CRISPLD2: variants seen among roughly 807,000 people sequenced by gnomAD.
The protein encoded by CRISPLD2 is cysteine-rich secretory protein LCCL domain-containing 2.
Under a neutral mutation model 71.1 loss-of-function variants are expected in CRISPLD2, and 47 were observed. The observed-to-expected ratio is 0.66, with a 90% confidence interval of 0.52 to 0.84. The LOEUF is 0.84. Among genes scored for constraint, CRISPLD2 ranks in the 40% least tolerant of loss-of-function variants. CRISPLD2 has a pLI of 0.00. For synonymous variants in CRISPLD2, 317 were observed against 250.1 expected (o/e 1.27, Z -2.52); for missense variants, 830 against 651.1 (o/e 1.27, Z -2.99).
Position 84,873,101 on chromosome 16 carries a change from G to A in CRISPLD2, c.1091G>A (p.Arg364Lys), listed in dbSNP as rs147512774. ...GTCCCCTTCTTCGTGAAGTCTGAGA[G>A]ACACGGCGTGCAGTCCCTCAGGTAA... The part of the protein sequence containing the change: ...GKVPFFVKSE[R>K]HGVQSLSKYK... Residue 364 changes from arginine (R) to lysine (K), a missense_variant, in exon 10 of 15, where the codon AGA (arginine) becomes AAA (lysine). Arg to Lys is a conservative substitution (Grantham distance 26). Transcript: ENST00000262424. 739 of 1,613,830 alleles carry A rather than the reference G, an allele frequency of 4.6e-4. 5 individuals are homozygous for A. Among genetic ancestry groups the A allele is most frequent in the Admixed American group, 3.7e-4 (22 of 59,986 alleles).
intron 14 of CRISPLD2, among the ~76,000 whole-genome samples, chr16:84,901,260 A>C (rs188734382): frequency 9.1e-4 from 138 of 152,280 alleles, no homozygotes; most frequent in African/African-American, 3.2e-3. Context: ...TGTGTTGAAA[A>C]AATGGGTGAG....
At chr16:84,879,654 A>G (rs191552169) in intron 12 of CRISPLD2, among the ~76,000 whole-genome samples, 3,189 of 149,048 alleles carry the variant, frequency 0.021, 109 homozygotes, top group African/African-American at 0.075. Context: ...GAGCCACTGC[A>G]CCTGGCCTTC....
At chr16:84,877,964 A>G (rs1276123962) in intron 12 of CRISPLD2, among the ~76,000 whole-genome samples, 7 of 151,288 alleles carry the variant, frequency 4.6e-5, no homozygotes, top group Non-Finnish European at 8.8e-5. Context: ...TAATCCCAGC[A>G]CTTTGGGAGG....
intron 14 of CRISPLD2, among the ~76,000 whole-genome samples, chr16:84,894,966 A>G (rs1232345825): frequency 6.6e-6 from 1 of 152,004 alleles, no homozygotes; most frequent in Admixed American, 6.6e-5. Context: ...TTCCAGATCT[A>G]AGGAGCCCTG....
At chr16:84,864,680 G>A (rs569515215) in intron 6 of CRISPLD2, among the ~76,000 whole-genome samples, 80 of 152,296 alleles carry the variant, frequency 5.3e-4, no homozygotes, top group African/African-American at 1.9e-3. Context: ...GGGGGTTTTG[G>A]TAGTTCATGC....
intron 8 of CRISPLD2, among the ~76,000 whole-genome samples, chr16:84,870,869 G>A (rs908224218): frequency 1.3e-5 from 2 of 151,942 alleles, no homozygotes; most frequent in Non-Finnish European, 2.9e-5. Context: ...GACCAGCCTG[G>A]GCAACTGGCG....
chr16:84,850,384 G>A (rs893625832), intron 4 of CRISPLD2, among the ~76,000 whole-genome samples, 184 bp from the exon 5 acceptor site: 7 of 152,180 alleles, frequency 4.6e-5, no homozygotes, highest in East Asian at 1.9e-4. Context: ...CCACCGCACC[G>A]GCCCACTTGC....
At chr16:84,905,249 A>T (rs1012223637) in intron 14 of CRISPLD2, among the ~76,000 whole-genome samples, 3 of 152,228 alleles carry the variant, frequency 2.0e-5, no homozygotes, top group African/African-American at 7.2e-5. Flanking sequence ...CCTTGGTGAC[A>T]GACCTTGTGT....
intron 8 of CRISPLD2, 67 bp downstream of exon 8, chr16:84,868,978 T>A: frequency 1.4e-6 from 2 of 1,399,652 alleles, no homozygotes; most frequent in South Asian, 1.3e-5. Flanking sequence ...CCTACCACTG[T>A]GGCCTCTGGG....
intron 14 of CRISPLD2, among the ~76,000 whole-genome samples, chr16:84,902,955 T>A (rs1490360689): frequency 6.6e-6 from 1 of 151,646 alleles, no homozygotes; most frequent in African/African-American, 2.4e-5. Flanking sequence ...GTATTTTTAG[T>A]AGGGGTTTCA....
chr16:84,850,653 C>T lies in CRISPLD2; in HGVS notation c.578C>T (p.Ala193Val), dbSNP rs541718336. 1.2e-4 allele frequency: 186 copies of T among 1,614,038 alleles called. No individual in the cohort carries two copies. The South Asian group carries it at 1.3e-3, about 12-fold the overall frequency. ...GTCTGGGGAGAAGTTTGGGAGAACG[C>T]GGTCTACTTTGTCTGCAATTATTCT... The part of the protein sequence containing the change: ...MTVWGEVWEN[A>V]VYFVCNYSPK... Residue 193 changes from alanine (A) to valine (V), a missense_variant, in exon 5 of 15, where the codon GCG becomes GTG. Transcript: ENST00000262424.
At chr16:84,835,240 G>A (rs569568704) in intron 1 of CRISPLD2, among the ~76,000 whole-genome samples, 9 of 152,178 alleles carry the variant, frequency 5.9e-5, no homozygotes, top group African/African-American at 2.2e-4. Context: ...ACAGGCAGGC[G>A]CCACCACGCC....
intron 6 of CRISPLD2, among the ~76,000 whole-genome samples, chr16:84,860,657 A>G (rs887135961): frequency 3.9e-5 from 6 of 152,268 alleles, no homozygotes; most frequent in Admixed American, 3.3e-4. Context: ...CTGGCAAAAA[A>G]GGTTTATCAG....
chr16:84,826,963 A>G (rs1916366583), intron 1 of CRISPLD2, among the ~76,000 whole-genome samples: 1 of 152,222 alleles, frequency 6.6e-6, no homozygotes. Flanking sequence ...AACAGAGGTC[A>G]GAGCAACATC....
At chr16:84,871,043 T>C (rs919839156) in intron 8 of CRISPLD2, among the ~76,000 whole-genome samples, 2 of 152,178 alleles carry the variant, frequency 1.3e-5, no homozygotes, top group African/African-American at 4.8e-5. Flanking sequence ...GGTGACAGAA[T>C]GAGACTCTGT....
At chr16:84,851,758 C>T (rs1917096636) in intron 5 of CRISPLD2, among the ~76,000 whole-genome samples, 1 of 152,190 alleles carries the variant, frequency 6.6e-6, no homozygotes, top group South Asian at 2.1e-4. Flanking sequence ...AATGAGGAAT[C>T]ATTTGACTTG....
At chr16:84,864,385 G>A (rs556775828) in intron 6 of CRISPLD2, among the ~76,000 whole-genome samples, 6 of 152,214 alleles carry the variant, frequency 3.9e-5, no homozygotes, top group East Asian at 1.9e-4. Context: ...AACTGTCTTC[G>A]GCTAAATAAA....
At chr16:84,871,139 A>C (rs8056941) in intron 8 of CRISPLD2, among the ~76,000 whole-genome samples, 2 of 152,216 alleles carry the variant, frequency 1.3e-5, no homozygotes, top group African/African-American at 4.8e-5. Context: ...ATATATATTT[A>C]CAAGGGAAGC....
chr16:84,889,433 G>C, intron 14 of CRISPLD2, 70 bp downstream of exon 14: 3 of 1,494,174 alleles, frequency 2.0e-6, no homozygotes, highest in Non-Finnish European at 1.8e-6. Context: ...GGCCTGGGAA[G>C]AGGCCCAGAG....
Sources: gnomAD v4.1 joint callset for allele counts (sites outside exome capture counted in the v4.1 genomes callset) on GRCh38, gnomAD v4.1.1 for gene constraint, MANE v1.5 for transcripts, NCBI Gene and HGNC (gene_info 2026-07-23, HGNC 2026-07-21) for gene names.